The following CTNNA2 variants were observed in gnomAD, a reference collection of about 807,000 sequenced individuals.
CTNNA2 encodes catenin alpha-2.
In CTNNA2, 42 loss-of-function variants were observed where a neutral mutation model predicts 101.0. The observed-to-expected ratio is 0.42, with a 90% CI of 0.32 to 0.54. The LOEUF is 0.54. Ranked by LOEUF, CTNNA2 falls within the 20% of genes least tolerant of loss-of-function variation. The pLI is 0.14. For synonymous variants in CTNNA2, 450 were observed against 456.4 expected (o/e 0.99, Z 0.18); for missense variants, 871 against 1,223.1 (o/e 0.71, Z 4.29).
At chr2:79,874,425 A>G in intron 6 of CTNNA2, 83 bp downstream of exon 6, 11 of 1,438,280 alleles carry the variant, frequency 7.6e-6, no homozygotes, top group African/African-American at 1.4e-5. Context: ...AAGGGCCACT[A>G]CAATAATTTA....
chr2:80,239,053 C>A (rs1709698900), intron 7 of CTNNA2, among the ~76,000 whole-genome samples: 1 of 152,208 alleles, frequency 6.6e-6, no homozygotes, highest in Non-Finnish European at 1.5e-5. Flanking sequence ...TTAAACAATT[C>A]ATCCAGCTCA....
At chr2:79,291,909 G>T (rs972437297) in intron 2 of CTNNA2, among the ~76,000 whole-genome samples, 1 of 152,062 alleles carries the variant, frequency 6.6e-6, no homozygotes, top group African/African-American at 2.4e-5. Flanking sequence ...GTATTGCAAA[G>T]ACAAGAAACA....
chr2:80,611,110 G>A (rs953711926), intron 17 of CTNNA2, among the ~76,000 whole-genome samples: 1 of 151,366 alleles, frequency 6.6e-6, no homozygotes, highest in African/African-American at 2.4e-5. Context: ...AGCTTAACCC[G>A]GTTACTAAGG....
At chr2:79,491,828 G>C (rs1671209228) in intron 4 of CTNNA2, among the ~76,000 whole-genome samples, 1 of 152,072 alleles carries the variant, frequency 6.6e-6, no homozygotes, top group Non-Finnish European at 1.5e-5. Context: ...TAAGAAGATG[G>C]CCCTGTTCTT....
intron 7 of CTNNA2, among the ~76,000 whole-genome samples, chr2:80,284,621 A>T (rs370802506): frequency 1.1e-4 from 13 of 117,906 alleles, no homozygotes; most frequent in African/African-American, 8.0e-4. Flanking sequence ...ACATTCAATC[A>T]CACATTTTTT....
chr2:80,011,915 A>G (rs1443075157), intron 7 of CTNNA2, among the ~76,000 whole-genome samples: 1 of 152,158 alleles, frequency 6.6e-6, no homozygotes, highest in African/African-American at 2.4e-5. Flanking sequence ...CCATGTTTGA[A>G]TAAGATTAAC....
chr2:80,296,046 A>AT (rs200392552), intron 7 of CTNNA2, among the ~76,000 whole-genome samples: 9 of 150,924 alleles, frequency 6.0e-5, no homozygotes, highest in African/African-American at 1.7e-4. Flanking sequence ...TTTCTAGCTT[A>AT]TTTTTTTTTA....
chr2:80,013,076 G>A (rs773202203), intron 7 of CTNNA2, among the ~76,000 whole-genome samples: 16 of 152,126 alleles, frequency 1.1e-4, no homozygotes, highest in Non-Finnish European at 2.1e-4. Context: ...TGATGGGAGA[G>A]GATCACCTAA....
chr2:80,623,038 C>T (rs1220093426), intron 18 of CTNNA2, among the ~76,000 whole-genome samples: 3 of 130,418 alleles, frequency 2.3e-5, no homozygotes, highest in East Asian at 4.6e-4. Context: ...AGACTACTAG[C>T]GCTAGTTTCT....
chr2:80,429,988 C>A (rs1574021073), intron 9 of CTNNA2, among the ~76,000 whole-genome samples: 1 of 152,094 alleles, frequency 6.6e-6, no homozygotes, highest in Non-Finnish European at 1.5e-5. Flanking sequence ...AACTATAAAG[C>A]GTAGAGCCAT....
At chr2:80,377,622 A>G (rs761985738) in intron 7 of CTNNA2, among the ~76,000 whole-genome samples, 2 of 152,178 alleles carry the variant, frequency 1.3e-5, no homozygotes, top group Non-Finnish European at 2.9e-5. Flanking sequence ...TTGCATTTGC[A>G]TTGTGATTTT....
intron 13 of CTNNA2, 92 bp downstream of exon 13, chr2:80,574,406 A>T (rs1694866321): frequency 1.4e-6 from 2 of 1,383,658 alleles, no homozygotes; most frequent in Non-Finnish European, 1.9e-6. Context: ...TTTTGTAATT[A>T]CTGAGTTTAA....
intron 18 of CTNNA2, among the ~76,000 whole-genome samples, chr2:80,620,325 G>T (rs1419333667): frequency 7.3e-6 from 1 of 136,864 alleles, no homozygotes; most frequent in Non-Finnish European, 1.5e-5. Flanking sequence ...ATTGGTTTCG[G>T]TTTAAAAATG....
chr2:80,458,665 C>A (rs981381037), intron 9 of CTNNA2, among the ~76,000 whole-genome samples: 1 of 152,198 alleles, frequency 6.6e-6, no homozygotes, highest in African/African-American at 2.4e-5. Context: ...ACTGACCCTT[C>A]TCCTGTTTGG....
chr2:80,581,059 A>C (rs1695493831), intron 13 of CTNNA2, among the ~76,000 whole-genome samples: 1 of 152,176 alleles, frequency 6.6e-6, no homozygotes, highest in Non-Finnish European at 1.5e-5. Context: ...ACATTTAAAA[A>C]ATACCTACTC....
intron 7 of CTNNA2, among the ~76,000 whole-genome samples, chr2:79,991,432 C>T (rs1237434080): frequency 1.3e-5 from 2 of 152,022 alleles, no homozygotes; most frequent in Non-Finnish European, 2.9e-5. Context: ...TATAACCTTG[C>T]GCAGGTGACT....
intron 9 of CTNNA2, among the ~76,000 whole-genome samples, chr2:80,458,129 A>T (rs1045839059): frequency 2.6e-5 from 4 of 152,190 alleles, no homozygotes; most frequent in African/African-American, 9.7e-5. Flanking sequence ...CATTTTGTCT[A>T]ACTTCCTTTG....
chr2:80,564,116 A>T (rs3770316), intron 12 of CTNNA2, among the ~76,000 whole-genome samples: 61,148 of 151,984 alleles, frequency 0.4, 12,656 homozygotes, highest in South Asian at 0.6. Context: ...CTTAAATCGC[A>T]TACTTAATGA....
intron 12 of CTNNA2, among the ~76,000 whole-genome samples, chr2:80,565,459 T>C (rs1383991545): frequency 6.6e-6 from 1 of 151,638 alleles, no homozygotes; most frequent in Non-Finnish European, 1.5e-5. Flanking sequence ...AAACAAATTG[T>C]ACCAACTTCC....
Sources: allele counts gnomAD v4.1 joint callset (sites outside exome capture counted in the v4.1 genomes callset), GRCh38; gene constraint gnomAD v4.1.1; transcripts MANE v1.5; gene names NCBI Gene and HGNC (gene_info 2026-07-23, HGNC 2026-07-21).